Variants in SNUPN observed in about 807,000 individuals in gnomAD.
SNUPN encodes snurportin 1.
A neutral mutation model predicts 39.2 loss-of-function variants in SNUPN; 31 were observed. The ratio of observed to expected loss-of-function variants is 0.79; its 90% CI spans 0.59 to 1.07. The LOEUF is 1.07. Ranked by LOEUF, SNUPN falls within the 50% of genes least tolerant of loss-of-function variation. SNUPN has a pLI of 0.00. For missense variants in SNUPN, 382 were observed against 434.2 expected, an observed-to-expected ratio of 0.88 and a Z score of 1.07; for synonymous variants, 132 against 159.0, an observed-to-expected ratio of 0.83 and a Z score of 1.28.
At chr15:75,609,431 C>T in intron 5 of SNUPN, 127 bp downstream of exon 5, 1 of 692,368 alleles carries the variant, frequency 1.4e-6, no homozygotes. Flanking sequence ...CCTCATGATC[C>T]ACCCGCCTCG....
At chr15:75,606,378 G>A (rs1386887534) in intron 6 of SNUPN, among the ~76,000 whole-genome samples, 1 of 152,018 alleles carries the variant, frequency 6.6e-6, no homozygotes. Context: ...GATCACTGGA[G>A]GCCTGTTCAC....
intron 7 of SNUPN, among the ~76,000 whole-genome samples, chr15:75,602,265 C>T (rs536853367): frequency 1.3e-5 from 2 of 152,050 alleles, no homozygotes; most frequent in East Asian, 2.0e-4. Context: ...TGGTGGCTCA[C>T]GCCTGTAATC....
chr15:75,605,903 C>T (rs762473703), intron 6 of SNUPN, among the ~76,000 whole-genome samples: 3 of 152,154 alleles, frequency 2.0e-5, no homozygotes, highest in African/African-American at 4.8e-5. Flanking sequence ...CCCAGCACTT[C>T]GGTAGGCCAA....
intron 1 of SNUPN, chr15:75,624,998 A>G: frequency 5.7e-6 from 1 of 175,828 alleles, no homozygotes; most frequent in Non-Finnish European, 1.2e-5. Context: ...CTGGTCTCAA[A>G]CTCCTGACCT....
intron 3 of SNUPN, among the ~76,000 whole-genome samples, chr15:75,616,164 A>G (rs1892927827): frequency 6.7e-6 from 1 of 149,002 alleles, no homozygotes; most frequent in African/African-American, 2.5e-5. Context: ...TTTTCTTTAG[A>G]GATGGGGTCT....
At position 75,617,560 on chromosome 15, in the gene SNUPN, G is replaced by C; in HGVS notation, c.159-8C>G. 2.5e-6 allele frequency: 4 copies of C among 1,580,682 alleles called. No homozygotes were observed. Among genetic ancestry groups the C allele is most frequent in the Middle Eastern group, 3.4e-4 (2 of 5,860 alleles). ...ACATAATCCAGCCGCTTGCTGGAAG[G>C]AAAAAAAAGGCATAAGGACATATCT... On this transcript the variant is annotated splice_polypyrimidine_tract_variant and splice_region_variant and intron_variant, in intron 2 of 8. Transcript: ENST00000308588.
At chr15:75,626,282 C>T (rs1893226221), upstream of SNUPN, 1 of 152,260 alleles carries the variant, frequency 6.6e-6, no homozygotes, top group African/African-American at 2.4e-5. Context: ...TTCTTTCCCA[C>T]TCGGCTGCGG....
chr15:75,621,593 A>C (rs946767845), intron 1 of SNUPN, among the ~76,000 whole-genome samples: 1 of 152,174 alleles, frequency 6.6e-6, no homozygotes, highest in Non-Finnish European at 1.5e-5. Context: ...AGTTTCCTGA[A>C]TAGCCATCAC....
intron 5 of SNUPN, among the ~76,000 whole-genome samples, chr15:75,608,800 G>A (rs1892695752): frequency 6.6e-6 from 1 of 152,188 alleles, no homozygotes. Flanking sequence ...TGAAGGGGAG[G>A]TCCTTGGTCC....
intron 2 of SNUPN, among the ~76,000 whole-genome samples, chr15:75,618,977 C>G (rs1486884564): frequency 7.1e-6 from 1 of 140,108 alleles, no homozygotes; most frequent in Non-Finnish European, 1.5e-5. Flanking sequence ...CAAAACACCA[C>G]TAAATAAATG....
At chr15:75,609,333 G>T (rs113572050) in intron 5 of SNUPN, among the ~76,000 whole-genome samples, 1 of 151,628 alleles carries the variant, frequency 6.6e-6, no homozygotes, top group Non-Finnish European at 1.5e-5. Context: ...GGGACTACAG[G>T]TGCCCACCAC....
chr15:75,603,862 A>G (rs1231991966), intron 7 of SNUPN, among the ~76,000 whole-genome samples: 1 of 152,172 alleles, frequency 6.6e-6, no homozygotes. Context: ...GATTAGAACT[A>G]CAAACTCTAA....
chr15:75,614,571 G>A (rs1261059449), intron 3 of SNUPN, among the ~76,000 whole-genome samples: 2 of 152,088 alleles, frequency 1.3e-5, no homozygotes, highest in African/African-American at 4.8e-5. Flanking sequence ...TGCAAAATAG[G>A]AACAGAAAGT....
Position 75,598,477 on chromosome 15 carries a change from C to T in SNUPN, c.964G>A (p.Glu322Lys). 1 of 1,614,196 alleles carries T rather than the reference C, an allele frequency of 6.2e-7. No homozygotes were observed. Among genetic ancestry groups the T allele is most frequent in the Non-Finnish European group, 8.5e-7 (1 of 1,180,036 alleles). The change falls in exon 9 of 9, where the codon GAG (glutamate) becomes AAG (lysine). Residue 322 changes from glutamate (E) to lysine (K), a missense_variant. By Grantham distance (56) the Glu-to-Lys change is moderately conservative. Coordinates refer to ENST00000308588, the MANE Select transcript of SNUPN (RefSeq NM_005701.4). The stretch of plus-strand genomic sequence containing the variant: ...TCAGAGGCCTTGTGTGTGAGTTTCT[C>T]CTTCATGCCTTCCTTCTGGCTCTTC... ...HKKSQKEGMK[E>K]KLTHKASENG...
intron 6 of SNUPN, 181 bp from the exon 7 acceptor site, chr15:75,605,408 G>A (rs1178954247): frequency 9.6e-6 from 4 of 417,736 alleles, no homozygotes; most frequent in Non-Finnish European, 1.3e-5. Flanking sequence ...CCAAGTTCAA[G>A]CGATTCTCCT....
At chr15:75,602,105 G>A (rs77303499) in intron 7 of SNUPN, among the ~76,000 whole-genome samples, 26,179 of 152,196 alleles carry the variant, frequency 0.17, 3,028 homozygotes, top group Non-Finnish European at 0.25. Flanking sequence ...ATACTCAGGA[G>A]GCTGAAGCAG....
At chr15:75,615,168 C>T (rs895631259) in intron 3 of SNUPN, among the ~76,000 whole-genome samples, 1 of 152,016 alleles carries the variant, frequency 6.6e-6, no homozygotes. Context: ...GCTGGGATTA[C>T]AGACACCCAT....
intron 1 of SNUPN, chr15:75,624,736 G>A (rs1893173800): frequency 7.8e-7 from 1 of 1,277,676 alleles, no homozygotes; most frequent in Non-Finnish European, 1.0e-6. Context: ...GCTGTTCTTG[G>A]CGGGTTCCTG....
chr15:75,608,727 G>A (rs1224388770), intron 5 of SNUPN, among the ~76,000 whole-genome samples: 1 of 152,158 alleles, frequency 6.6e-6, no homozygotes, highest in Non-Finnish European at 1.5e-5. Flanking sequence ...CTTAATTCAG[G>A]AATTTACGGA....
Sources: allele counts gnomAD v4.1 joint callset (sites outside exome capture counted in the v4.1 genomes callset), GRCh38; gene constraint gnomAD v4.1.1; transcripts MANE v1.5; gene names NCBI Gene and HGNC (gene_info 2026-07-23, HGNC 2026-07-21).